Variants in CYP20A1 observed in about 807,000 individuals in gnomAD.
CYP20A1 encodes cytochrome P450 family 20 subfamily A member 1.
In CYP20A1, 61 loss-of-function variants were observed where a neutral mutation model predicts 61.4. That is an observed-to-expected ratio of 0.99 (90% CI 0.81 to 1.23). The LOEUF is 1.23. Ranked by LOEUF, CYP20A1 falls within the 50% of genes most tolerant of loss-of-function variation. The pLI is 0.00. For synonymous variants in CYP20A1, 193 were observed against 188.2 expected (o/e 1.03, Z -0.21); for missense variants, 530 against 542.4 (o/e 0.98, Z 0.23).
chr2:203,254,647 A>G (rs1040810535), intron 4 of CYP20A1, among the ~76,000 whole-genome samples: 1 of 151,818 alleles, frequency 6.6e-6, no homozygotes, highest in African/African-American at 2.4e-5. Flanking sequence ...TGTGTTTTTT[A>G]TTTACCATTG....
intron 7 of CYP20A1, among the ~76,000 whole-genome samples, chr2:203,278,989 G>T (rs972717127): frequency 6.6e-6 from 1 of 151,970 alleles, no homozygotes; most frequent in African/African-American, 2.4e-5. Context: ...GTTTTGAGAT[G>T]GAGTCTCGCT....
chr2:203,272,143 C>T (rs1157965238), intron 5 of CYP20A1, among the ~76,000 whole-genome samples: 2 of 152,194 alleles, frequency 1.3e-5, no homozygotes, highest in Admixed American at 1.3e-4. Flanking sequence ...TTGAAAGTGC[C>T]TTGACTGAAG....
chr2:203,293,844 A>AT (rs1232078570), intron 11 of CYP20A1, among the ~76,000 whole-genome samples: 1 of 152,094 alleles, frequency 6.6e-6, no homozygotes, highest in Non-Finnish European at 1.5e-5. Context: ...TTTGCAAGGA[A>AT]TTTTTTTGTT....
At chr2:203,281,920 G>A (rs2068058156) in intron 8 of CYP20A1, among the ~76,000 whole-genome samples, 1 of 151,962 alleles carries the variant, frequency 6.6e-6, no homozygotes, top group South Asian at 2.1e-4. Flanking sequence ...TCTTTAAAAG[G>A]ATACAAATGT....
rs1189594999 is a variant in CYP20A1, at chr2:203,300,902, A to C, written c.*3994A>C. On this transcript the variant is annotated 3_prime_UTR_variant, in exon 13 of 13. Transcript: ENST00000356079. Reference sequence around the variant, plus strand: ...AAAACTCCGTCTCAGAAAAAAAAAAAAAAAAAAAAAACGGCCAGGCGAGGT... The same window carrying C: ...AAAACTCCGTCTCAGAAAAAAAAAACAAAAAAAAAAACGGCCAGGCGAGGT... Among the ~76,000 whole-genome samples the C allele has an allele frequency of 2.7e-5, 4 of 148,942 alleles. No individual in the cohort carries two copies. The East Asian group carries it at 7.8e-4, about 29-fold the overall frequency.
At position 203,285,651 on chromosome 2, in the gene CYP20A1, A is replaced by T. The variant is rs1443473280; in HGVS notation, c.890A>T (p.Glu297Val). The change falls in exon 9 of 13, where the codon GAA (glutamate) becomes GTA (valine). Residue 297 changes from glutamate to valine, a missense_variant. By Grantham distance (121) the Glu-to-Val change is moderately radical. Coordinates refer to ENST00000356079, the MANE Select transcript of CYP20A1 (RefSeq NM_177538.3). ...WAICFLTTSE[E>V]VQKKLYEEIN... ...ATCTGTTTTTTAACCACCTCTGAAG[A>T]AGTTCAAAAAAAATTATATGAAGAG... 1.2e-6 allele frequency: 2 copies of T among 1,603,724 alleles called. No homozygotes were observed. Among genetic ancestry groups the T allele is most frequent in the East Asian group, 4.5e-5 (2 of 44,602 alleles).
chr2:203,276,373 A>G (rs1240280309), intron 6 of CYP20A1, among the ~76,000 whole-genome samples: 1 of 152,192 alleles, frequency 6.6e-6, no homozygotes, highest in Non-Finnish European at 1.5e-5. Flanking sequence ...TTATGTTACA[A>G]AAGGATCACT....
At chr2:203,260,236 ATT>A (rs1180787788) in intron 4 of CYP20A1, among the ~76,000 whole-genome samples, 1 of 139,212 alleles carries the variant, frequency 7.2e-6, no homozygotes, top group Non-Finnish European at 1.6e-5. Flanking sequence ...CTATTTATTT[ATT>A]TTTTGAGACA....
intron 5 of CYP20A1, among the ~76,000 whole-genome samples, chr2:203,270,497 G>T (rs2067519694): frequency 6.6e-6 from 1 of 151,580 alleles, no homozygotes; most frequent in African/African-American, 2.4e-5. Flanking sequence ...TTTTTGTGTT[G>T]CTTTTTCTTA....
intron 3 of CYP20A1, among the ~76,000 whole-genome samples, chr2:203,251,694 C>T (rs932891163): frequency 7.5e-5 from 11 of 146,434 alleles, no homozygotes; most frequent in Non-Finnish European, 1.1e-4. Context: ...GCTTGAAACT[C>T]GGAGGCGGAG....
chr2:203,239,989 A>G (rs1235531631), intron 1 of CYP20A1, among the ~76,000 whole-genome samples: 1 of 152,064 alleles, frequency 6.6e-6, no homozygotes, highest in East Asian at 1.9e-4. Context: ...CCAGCTACTC[A>G]GGAGGCTGAG....
rs543177247 is a variant in CYP20A1 at position 203,300,178 on chromosome 2, A to C, written c.*3270A>C. Among the ~76,000 whole-genome samples, 2 of 152,354 alleles carry C rather than the reference A, an allele frequency of 1.3e-5. No homozygotes were observed. Among genetic ancestry groups the C allele is most frequent in the South Asian group, 4.1e-4 (2 of 4,830 alleles). Reference sequence around the variant, plus strand: ...CTGCCAATAAATGAGGCAGTGTAGAATAACTAATAATGATTGGAATCAAGG... The same window carrying C: ...CTGCCAATAAATGAGGCAGTGTAGACTAACTAATAATGATTGGAATCAAGG... On this transcript the variant is annotated 3_prime_UTR_variant, in exon 13 of 13. Transcript: ENST00000356079.
At chr2:203,293,000 C>T (rs2068605918) in intron 11 of CYP20A1, among the ~76,000 whole-genome samples, 1 of 151,532 alleles carries the variant, frequency 6.6e-6, no homozygotes, top group Non-Finnish European at 1.5e-5. Context: ...ATAGCGAAAC[C>T]CTGTCTCTAA....
intron 6 of CYP20A1, among the ~76,000 whole-genome samples, chr2:203,274,925 G>A (rs2067754030): frequency 6.6e-6 from 1 of 152,082 alleles, no homozygotes. Flanking sequence ...AAATTGTCTG[G>A]CATAATGTGT....
intron 1 of CYP20A1, 86 bp downstream of exon 1, chr2:203,239,220 G>A (rs2105880679): frequency 4.3e-6 from 5 of 1,152,650 alleles, no homozygotes; most frequent in Non-Finnish European, 3.9e-6. Context: ...CCCGCTGCGG[G>A]CCGCAGGGGG....
At chr2:203,262,924 C>T (rs1296963249) in intron 4 of CYP20A1, among the ~76,000 whole-genome samples, 1 of 151,952 alleles carries the variant, frequency 6.6e-6, no homozygotes, top group Non-Finnish European at 1.5e-5. Flanking sequence ...GTGATCCGCC[C>T]GCCTCGACCT....
At chr2:203,244,790 T>TGGC (rs2066394903) in intron 1 of CYP20A1, among the ~76,000 whole-genome samples, 5 of 149,530 alleles carry the variant, frequency 3.3e-5, no homozygotes, top group East Asian at 4.0e-4. Context: ...TGGAGTACAG[T>TGGC]GGCGCGATCT....
At chr2:203,241,822 A>G (rs1412191124) in intron 1 of CYP20A1, among the ~76,000 whole-genome samples, 1 of 152,014 alleles carries the variant, frequency 6.6e-6, no homozygotes, top group Non-Finnish European at 1.5e-5. Context: ...ATGCCACCAC[A>G]CCTGGCTAAT....
At chr2:203,294,954 T>TTTTTTC (rs2068720896) in intron 11 of CYP20A1, among the ~76,000 whole-genome samples, 1 of 94,468 alleles carries the variant, frequency 1.1e-5, no homozygotes, top group Non-Finnish European at 2.1e-5. Flanking sequence ...TTTTTTTTTT[T>TTTTTTC]TTTTTTTTTT....
Sources: gnomAD v4.1 joint callset for allele counts (sites outside exome capture counted in the v4.1 genomes callset) on GRCh38, gnomAD v4.1.1 for gene constraint, MANE v1.5 for transcripts, NCBI Gene and HGNC (gene_info 2026-07-23, HGNC 2026-07-21) for gene names.